Variants in NOVA1 observed in about 807,000 individuals in gnomAD.
NOVA1 encodes NOVA alternative splicing regulator 1, also known as RNA-binding protein Nova-1.
In NOVA1, 7 loss-of-function variants were observed where a neutral mutation model predicts 38.0. The observed-to-expected ratio is 0.18, with a 90% confidence interval of 0.10 to 0.35. The LOEUF is 0.35. NOVA1 is among the 10% of genes least tolerant of loss of function. NOVA1 has a pLI of 1.00. For synonymous variants in NOVA1, 270 were observed against 232.5 expected (o/e 1.16, Z -1.47); for missense variants, 460 against 616.0 (o/e 0.75, Z 2.68).
At chr14:26,464,947 A>C (rs1192311597) in intron 4 of NOVA1, among the ~76,000 whole-genome samples, 1 of 152,146 alleles carries the variant, frequency 6.6e-6, no homozygotes, top group African/African-American at 2.4e-5. Flanking sequence ...TATGATACAT[A>C]CTAGGTTGAG....
At chr14:26,549,416 A>G (rs989684775) in intron 2 of NOVA1, 1 of 153,810 alleles carries the variant, frequency 6.5e-6, no homozygotes, top group African/African-American at 2.4e-5. Flanking sequence ...ATATTTAAAA[A>G]CAATATGATT....
intron 2 of NOVA1, among the ~76,000 whole-genome samples, chr14:26,539,756 A>C (rs985286589): frequency 3.9e-5 from 6 of 152,186 alleles, no homozygotes; most frequent in Non-Finnish European, 8.8e-5. Flanking sequence ...ACATTTCAAA[A>C]GCAAGGATAA....
At chr14:26,474,978 C>T (rs1297739795) in intron 3 of NOVA1, among the ~76,000 whole-genome samples, 1 of 151,702 alleles carries the variant, frequency 6.6e-6, no homozygotes, top group African/African-American at 2.4e-5. Context: ...TTTTTAAATA[C>T]TAGGAGAAAA....
chr14:26,567,014 T>C (rs1382372125), intron 2 of NOVA1, among the ~76,000 whole-genome samples: 1 of 152,010 alleles, frequency 6.6e-6, no homozygotes. Context: ...GATGAGCACA[T>C]AAAAAACATG....
intron 2 of NOVA1, among the ~76,000 whole-genome samples, chr14:26,546,236 CA>C (rs1428131695): frequency 1.3e-5 from 2 of 151,948 alleles, no homozygotes; most frequent in Admixed American, 1.3e-4. Context: ...GCTTGATTAT[CA>C]AATGAAGTAA....
At chr14:26,547,955 C>T (rs1890899733) in intron 2 of NOVA1, among the ~76,000 whole-genome samples, 1 of 151,924 alleles carries the variant, frequency 6.6e-6, no homozygotes, top group Non-Finnish European at 1.5e-5. Context: ...AGTAAATTTC[C>T]ACTCAGTGTA....
rs949516306 is a variant in NOVA1, at chr14:26,547,155, C to T, written c.280+48255G>A. ...TTCCTTAAAGTTTAATTATTCATAACCTATAATTTATTTCTGAATTCCAAA... is the reference window on the plus strand; with the variant it reads ...TTCCTTAAAGTTTAATTATTCATAATCTATAATTTATTTCTGAATTCCAAA... On this transcript the variant is annotated intron_variant, in intron 2 of 4. Transcript: ENST00000539517. Among the ~76,000 whole-genome samples, 11 of 151,914 alleles carry T rather than the reference C, an allele frequency of 7.2e-5. No homozygotes were observed. The South Asian group carries it at 8.3e-4, about 11-fold the overall frequency.
chr14:26,486,584 C>G lies in NOVA1; in HGVS notation c.281-6441G>C, dbSNP rs1885911806. On this transcript the variant is annotated intron_variant, in intron 2 of 4. Coordinates refer to ENST00000539517, the MANE Select transcript of NOVA1 (RefSeq NM_002515.3). Reference sequence around the variant, plus strand: ...ATTAGCCAGGCGTGGTGGTGGGCACCTGTAGTCCTAGCTACTTGGGAGGCT... The same window carrying G: ...ATTAGCCAGGCGTGGTGGTGGGCACGTGTAGTCCTAGCTACTTGGGAGGCT... Among the ~76,000 whole-genome samples, 2 of 148,640 alleles carry G rather than the reference C, an allele frequency of 1.3e-5. 1 individual carries two copies. Among genetic ancestry groups the G allele is most frequent in the Admixed American group, 1.4e-4 (2 of 14,536 alleles).
intron 4 of NOVA1, among the ~76,000 whole-genome samples, chr14:26,452,949 C>G (rs1203169864): frequency 6.6e-6 from 1 of 151,950 alleles, no homozygotes; most frequent in Admixed American, 6.6e-5. Flanking sequence ...GGGTGCTGCA[C>G]AGAAGTATAT....
chr14:26,458,834 A>G (rs1000093615), intron 4 of NOVA1, among the ~76,000 whole-genome samples: 17 of 152,116 alleles, frequency 1.1e-4, no homozygotes, highest in Admixed American at 9.8e-4. Context: ...AAACAAAATT[A>G]AGAAAACAGT....
In NOVA1 at chr14:26,480,010, G is replaced by C. The variant is rs943239697; in HGVS notation, c.414C>G (p.Pro138=). The C allele has an allele frequency of 6.2e-6, 10 of 1,613,922 alleles. No individual in the cohort carries two copies. Among genetic ancestry groups the C allele is most frequent in the South Asian group, 1.1e-5 (1 of 91,064 alleles). ...TGCGATCTGGATTAACGGTGGTCTGGGGTTGTAGAATGCTGACTGGTTCTG... is the reference window on the plus strand; with the variant it reads ...TGCGATCTGGATTAACGGTGGTCTGCGGTTGTAGAATGCTGACTGGTTCTG... ...AKTEPVSILQ[P]QTTVNPDRIK... The change falls in exon 3 of 5, where the codon CCC becomes CCG. Residue 138 remains proline (P), a synonymous_variant. Transcript: ENST00000539517.
chr14:26,449,733 C>T (rs1648880112), intron 4 of NOVA1, among the ~76,000 whole-genome samples: 1 of 151,918 alleles, frequency 6.6e-6, no homozygotes, highest in African/African-American at 2.4e-5. Flanking sequence ...TTTTGGCTAT[C>T]ATTGCTACAT....
intron 2 of NOVA1, among the ~76,000 whole-genome samples, chr14:26,507,413 AT>A (rs1887723599): frequency 6.6e-6 from 1 of 152,192 alleles, no homozygotes; most frequent in Non-Finnish European, 1.5e-5. Flanking sequence ...TACTTTATAT[AT>A]TAATGTGGCC....
At chr14:26,573,545 G>T (rs1892621734) in intron 2 of NOVA1, among the ~76,000 whole-genome samples, 1 of 152,008 alleles carries the variant, frequency 6.6e-6, no homozygotes, top group Non-Finnish European at 1.5e-5. Context: ...ATAAGAATCT[G>T]AAAAAGATAA....
intron 2 of NOVA1, among the ~76,000 whole-genome samples, chr14:26,571,254 A>G (rs375093333): frequency 3.8e-4 from 58 of 152,194 alleles, no homozygotes; most frequent in Non-Finnish European, 4.7e-4. Flanking sequence ...ACGTTCTAAA[A>G]AGAACTGAAA....
chr14:26,563,071 C>G (rs1195268835), intron 2 of NOVA1, among the ~76,000 whole-genome samples: 1 of 152,062 alleles, frequency 6.6e-6, no homozygotes, highest in African/African-American at 2.4e-5. Flanking sequence ...ATGAAGCTAT[C>G]TAAGCAACAA....
intron 2 of NOVA1, among the ~76,000 whole-genome samples, chr14:26,544,505 A>G (rs1164977500): frequency 6.6e-6 from 1 of 151,996 alleles, no homozygotes; most frequent in Non-Finnish European, 1.5e-5. Flanking sequence ...GCAACAGCCT[A>G]CTAGCTGACC....
At chr14:26,595,893 C>A (rs762831846) in intron 1 of NOVA1, 1 of 382,660 alleles carries the variant, frequency 2.6e-6, no homozygotes, top group Non-Finnish European at 5.0e-6. Context: ...ATGAAATGAA[C>A]TGACCCTTTA....
chr14:26,544,470 A>C (rs1227831490), intron 2 of NOVA1, among the ~76,000 whole-genome samples: 1 of 151,046 alleles, frequency 6.6e-6, no homozygotes, highest in Non-Finnish European at 1.5e-5. Context: ...TGAAAACATA[A>C]GGTTAAAAAA....
Sources: allele counts gnomAD v4.1 joint callset (sites outside exome capture counted in the v4.1 genomes callset), GRCh38; gene constraint gnomAD v4.1.1; transcripts MANE v1.5; gene names NCBI Gene and HGNC (gene_info 2026-07-23, HGNC 2026-07-21).